Variants in CADPS2 observed in about 807,000 individuals in gnomAD.
CADPS2 encodes the protein calcium-dependent secretion activator 2.
A neutral mutation model predicts 172.5 loss-of-function variants in CADPS2; 93 were observed. The observed-to-expected ratio is 0.54, with a 90% CI of 0.46 to 0.64. CADPS2 has a LOEUF of 0.64. CADPS2 is among the 30% of genes least tolerant of loss of function. The pLI is 0.00. For synonymous variants in CADPS2, 546 were observed against 555.2 expected (o/e 0.98, Z 0.23); for missense variants, 1,420 against 1,565.9 (o/e 0.91, Z 1.57).
intron 15 of CADPS2, among the ~76,000 whole-genome samples, chr7:122,443,893 G>T (rs1246084447): frequency 6.6e-6 from 1 of 151,932 alleles, no homozygotes; most frequent in Non-Finnish European, 1.5e-5. Context: ...TTCAGGAACT[G>T]CACATATTTA....
Position 122,471,509 on chromosome 7 carries a change from A to G in CADPS2, c.2052T>C (p.Tyr684=), listed in dbSNP as rs758134574. 5.6e-6 allele frequency: 9 copies of G among 1,611,772 alleles called. No homozygotes were observed. In the East Asian group the frequency reaches 1.3e-4, roughly 24 times the overall value. The change falls in exon 14 of 30, where the codon TAT becomes TAC. Residue 684 remains tyrosine, a synonymous_variant. Coordinates refer to ENST00000449022, the MANE Select transcript of CADPS2 (RefSeq NM_017954.11). ...VFVLDEYCAR[Y]GVRGCHRHLC... is the part of the protein sequence containing the mutation. ...GATGTCTGTGACAGCCTCTCACACC[A>G]TAACGGGCACAGTACTCATCTAACA... is the stretch of plus-strand genomic sequence containing the variant.
intron 3 of CADPS2, among the ~76,000 whole-genome samples, chr7:122,652,524 T>C (rs1187489898): frequency 6.6e-6 from 1 of 152,184 alleles, no homozygotes; most frequent in African/African-American, 2.4e-5. Context: ...CTGCATTTCC[T>C]TAAAATATTC....
intron 19 of CADPS2, among the ~76,000 whole-genome samples, chr7:122,409,306 T>C (rs557144785): frequency 6.6e-6 from 1 of 152,340 alleles, no homozygotes; most frequent in South Asian, 2.1e-4. Flanking sequence ...AAAATCTCAC[T>C]TCCAGTTCAC....
chr7:122,811,478 A>C (rs1800008171), intron 1 of CADPS2, among the ~76,000 whole-genome samples: 1 of 152,190 alleles, frequency 6.6e-6, no homozygotes, highest in Non-Finnish European at 1.5e-5. Flanking sequence ...TTGGACTTTC[A>C]AAATAATTTT....
chr7:122,540,644 C>T (rs1459349470), intron 8 of CADPS2, among the ~76,000 whole-genome samples: 1 of 152,058 alleles, frequency 6.6e-6, no homozygotes, highest in East Asian at 1.9e-4. Context: ...TTATTAAGGT[C>T]CCACAATTCT....
intron 17 of CADPS2, among the ~76,000 whole-genome samples, chr7:122,430,143 A>C (rs1408866187): frequency 6.6e-6 from 1 of 152,154 alleles, no homozygotes; most frequent in African/African-American, 2.4e-5. Flanking sequence ...TAAACCTGGG[A>C]ACCTGGCAAC....
chr7:122,393,151 T>C, intron 22 of CADPS2, 45 bp downstream of exon 22: 1 of 1,603,204 alleles, frequency 6.2e-7, no homozygotes, highest in Non-Finnish European at 8.5e-7. Context: ...GCCCAGGCCA[T>C]GCACCAGCTA....
chr7:122,345,719 CAG>C, intron 27 of CADPS2, 38 bp from the exon 28 acceptor site: 1 of 1,256,176 alleles, frequency 8.0e-7, no homozygotes, highest in Non-Finnish European at 1.2e-6. Context: ...AAAATAATAT[CAG>C]GTCTCAATTG....
intron 8 of CADPS2, among the ~76,000 whole-genome samples, chr7:122,528,718 A>G (rs1211404309): frequency 6.6e-6 from 1 of 152,170 alleles, no homozygotes; most frequent in Non-Finnish European, 1.5e-5. Context: ...TAAAAATGAA[A>G]CCAAGATAGT....
At chr7:122,728,372 T>C (rs529080835) in intron 2 of CADPS2, among the ~76,000 whole-genome samples, 47 of 151,848 alleles carry the variant, frequency 3.1e-4, no homozygotes, top group Non-Finnish European at 6.0e-4. Context: ...AGTTGAGGTA[T>C]AATGTTAGGG....
chr7:122,862,550 T>C (rs1817218418), intron 1 of CADPS2, among the ~76,000 whole-genome samples: 1 of 152,062 alleles, frequency 6.6e-6, no homozygotes, highest in Non-Finnish European at 1.5e-5. Flanking sequence ...CACAGCTCCC[T>C]TCTGCCCACT....
Position 122,362,191 on chromosome 7 carries a change from T to C in CADPS2, c.3388-1178A>G, listed in dbSNP as rs75356127. Among the ~76,000 whole-genome samples the C allele has an allele frequency of 8.5e-5, 13 of 152,304 alleles. No homozygotes were observed. The East Asian group carries it at 1.7e-3, about 20-fold the overall frequency. ...TGTAACTATGACACAATGGCTGACA[T>C]TAGTTAACAAGCATTTACCAGGCAG... On this transcript the variant is annotated intron_variant, in intron 25 of 29. Coordinates refer to ENST00000449022, the MANE Select transcript of CADPS2 (RefSeq NM_017954.11).
intron 3 of CADPS2, among the ~76,000 whole-genome samples, chr7:122,645,913 G>GA (rs1696917080): frequency 6.6e-6 from 1 of 150,626 alleles, no homozygotes; most frequent in African/African-American, 2.4e-5. Context: ...TCATCTTCTG[G>GA]AAAAAAGGAA....
chr7:122,366,083 G>A (rs2040802837), intron 25 of CADPS2, among the ~76,000 whole-genome samples: 1 of 150,626 alleles, frequency 6.6e-6, no homozygotes, highest in Non-Finnish European at 1.5e-5. Flanking sequence ...TGTGGGGGAG[G>A]ATGGGATAGC....
intron 17 of CADPS2, among the ~76,000 whole-genome samples, chr7:122,435,266 T>G (rs533233974): frequency 3.7e-4 from 56 of 151,824 alleles, no homozygotes; most frequent in Non-Finnish European, 6.9e-4. Context: ...TGAGAAAGGG[T>G]TCATATCCAA....
intron 27 of CADPS2, among the ~76,000 whole-genome samples, chr7:122,346,941 C>T (rs542349321): frequency 1.3e-5 from 2 of 152,098 alleles, no homozygotes; most frequent in Non-Finnish European, 2.9e-5. Context: ...TAGAGTATGA[C>T]ATTAATAAGA....
At chr7:122,527,613 A>AGTGTGTGT (rs1178150682) in intron 8 of CADPS2, among the ~76,000 whole-genome samples, 1 of 101,936 alleles carries the variant, frequency 9.8e-6, no homozygotes, top group Non-Finnish European at 2.3e-5. Flanking sequence ...AGAGAGAGAG[A>AGTGTGTGT]GAGAGTGTGT....
chr7:122,884,650 G>T (rs1823819716), intron 1 of CADPS2, among the ~76,000 whole-genome samples: 1 of 152,162 alleles, frequency 6.6e-6, no homozygotes, highest in Non-Finnish European at 1.5e-5. Flanking sequence ...CTCAGTTTGT[G>T]TGTGTTTTAA....
At chr7:122,390,016 C>T (rs566890293) in intron 22 of CADPS2, among the ~76,000 whole-genome samples, 21 of 152,108 alleles carry the variant, frequency 1.4e-4, no homozygotes, top group Middle Eastern at 3.4e-3. Flanking sequence ...TCCTGCCCTC[C>T]ACCCTGGCCT....
Sources: gnomAD v4.1 joint callset for allele counts (sites outside exome capture counted in the v4.1 genomes callset) on GRCh38, gnomAD v4.1.1 for gene constraint, MANE v1.5 for transcripts, NCBI Gene and HGNC (gene_info 2026-07-23, HGNC 2026-07-21) for gene names.